The following CDC42BPA variants were observed in gnomAD, a reference collection of about 807,000 sequenced individuals.
The protein encoded by CDC42BPA is serine/threonine-protein kinase MRCK alpha.
A neutral mutation model predicts 223.5 loss-of-function variants in CDC42BPA; 80 were observed. The observed-to-expected ratio is 0.36, with a 90% CI of 0.30 to 0.43. The LOEUF (loss-of-function observed/expected upper bound fraction) is 0.43. Ranked by LOEUF, CDC42BPA falls within the 20% of genes least tolerant of loss-of-function variation. The pLI is 1.00. For synonymous variants in CDC42BPA, 694 were observed against 718.6 expected, an observed-to-expected ratio of 0.97 and a Z score of 0.55; for missense variants, 1,743 against 2,099.9, an observed-to-expected ratio of 0.83 and a Z score of 3.32.
chr1:227,091,020 G>A (rs1263974677), intron 16 of CDC42BPA, among the ~76,000 whole-genome samples: 1 of 152,112 alleles, frequency 6.6e-6, no homozygotes, highest in Non-Finnish European at 1.5e-5. Flanking sequence ...AAATCAGGCT[G>A]AGATGGTTTC....
At chr1:227,054,325 T>G (rs2148893941) in intron 21 of CDC42BPA, among the ~76,000 whole-genome samples, 1 of 152,346 alleles carries the variant, frequency 6.6e-6, no homozygotes, top group South Asian at 2.1e-4. Context: ...GGTTGAAATT[T>G]TACAGCAGGT....
At chr1:227,050,532 G>A (rs1673337717) in intron 22 of CDC42BPA, among the ~76,000 whole-genome samples, 1 of 152,152 alleles carries the variant, frequency 6.6e-6, no homozygotes, top group Admixed American at 6.6e-5. Flanking sequence ...TGATAATAAT[G>A]AAAAATTGGA....
chr1:227,196,338 C>CTTTTTTTTTTTTTTTTGTTTT (rs1553388919), intron 4 of CDC42BPA, among the ~76,000 whole-genome samples: 1 of 92,360 alleles, frequency 1.1e-5, no homozygotes. Flanking sequence ...TTAAACAATA[C>CTTTTTTTTTTTTTTTTGTTTT]TTTTTTTTTT....
In CDC42BPA at chr1:227,129,714, T is replaced by TATATATATATATATATATATATATAC. The variant is rs140091366; in HGVS notation, c.1391-484_1391-483insGTATATATATATATATATATATATAT. Among the ~76,000 whole-genome samples, 784 of 105,564 alleles carry TATATATATATATATATATATATATAC rather than the reference T, an allele frequency of 7.4e-3. 8 individuals carry two copies. The highest frequency in any genetic ancestry group is 9.3e-3 in the Non-Finnish European group (483 of 52,152). 69.3% of individuals were successfully genotyped at this position (105,564 alleles called of 152,430 possible). ...AAAAAATCCACTGCATATATATATA[T>TATATATATATATATATATATATATAC]ACAAAAGAATCCACCTTCTAATAAT... On this transcript the variant is annotated intron_variant, in intron 10 of 36. Transcript: ENST00000366766.
chr1:227,264,812 T>G, intron 1 of CDC42BPA: 1 of 1,407,738 alleles, frequency 7.1e-7, no homozygotes, highest in Non-Finnish European at 1.0e-6. Flanking sequence ...AGAATCTTCT[T>G]GCTTTTTTGG....
At chr1:227,005,947 C>T (rs1358090804) in intron 34 of CDC42BPA, among the ~76,000 whole-genome samples, 1 of 152,210 alleles carries the variant, frequency 6.6e-6, no homozygotes, top group Non-Finnish European at 1.5e-5. Flanking sequence ...GAACAGAAAG[C>T]ATGCTGCCTC....
rs1223621628 is a variant in CDC42BPA at position 227,180,154 on chromosome 1, C to A, written c.599+13632G>T. 5.9e-5 allele frequency among the ~76,000 whole-genome samples: 9 copies of A among 152,216 alleles called. No homozygotes were observed. In the South Asian group the frequency reaches 8.3e-4, roughly 14 times the overall value. ...GCAGGAGGCAGATGTTGCAGTGAAC[C>A]AAGATCATGCCACTGCACTCCAGCC... On this transcript the variant is annotated intron_variant, in intron 5 of 36. Coordinates refer to ENST00000366766, the MANE Select transcript of CDC42BPA (RefSeq NM_001394014.1).
chr1:227,051,598 T>G lies in CDC42BPA; in HGVS notation c.3009+283A>C, dbSNP rs16846887. 2.2e-3 allele frequency among the ~76,000 whole-genome samples: 330 copies of G among 152,312 alleles called. 9 individuals are homozygous for G. The East Asian group carries it at 0.045, about 21-fold the overall frequency. ...GCCATTTGCCTAGAGTTTCTAATAA[T>G]TCAAAAATTTACATAATTAATCTTC... On this transcript the variant is annotated intron_variant, in intron 22 of 36. Transcript: ENST00000366766.
At chr1:227,126,508 G>GT (rs778646921) in intron 11 of CDC42BPA, among the ~76,000 whole-genome samples, 1 of 113,714 alleles carries the variant, frequency 8.8e-6, no homozygotes, top group African/African-American at 3.2e-5. Context: ...AGGAAGGAAG[G>GT]AAGGAAGGAA....
At chr1:227,031,849 C>A (rs1303164656) in intron 27 of CDC42BPA, among the ~76,000 whole-genome samples, 1 of 152,136 alleles carries the variant, frequency 6.6e-6, no homozygotes, top group African/African-American at 2.4e-5. Context: ...CCAGGTAGAT[C>A]TAAGCACTTT....
At chr1:227,005,209 C>A (rs1663758916) in intron 34 of CDC42BPA, 98 bp from the exon 35 acceptor site, 1 of 813,542 alleles carries the variant, frequency 1.2e-6, no homozygotes, top group East Asian at 2.5e-5. Context: ...GAAATAAAAT[C>A]ATCTTGACCA....
At chr1:227,212,269 C>A (rs1674057450) in intron 3 of CDC42BPA, among the ~76,000 whole-genome samples, 1 of 152,118 alleles carries the variant, frequency 6.6e-6, no homozygotes, top group South Asian at 2.1e-4. Context: ...CATGGAAACA[C>A]TTTTTGCTTT....
intron 21 of CDC42BPA, among the ~76,000 whole-genome samples, chr1:227,066,471 C>T (rs547060894): frequency 6.6e-6 from 1 of 152,022 alleles, no homozygotes; most frequent in South Asian, 2.1e-4. Flanking sequence ...GAGCGTTATG[C>T]GAAATATCTT....
chr1:227,056,130 T>C (rs917697458), intron 21 of CDC42BPA, among the ~76,000 whole-genome samples: 3 of 152,100 alleles, frequency 2.0e-5, no homozygotes, highest in African/African-American at 7.2e-5. Flanking sequence ...CAGCATGGTT[T>C]TCCTATAAAT....
At chr1:227,125,225 G>A (rs1013571846) in intron 11 of CDC42BPA, among the ~76,000 whole-genome samples, 4 of 150,424 alleles carry the variant, frequency 2.7e-5, no homozygotes, top group Admixed American at 1.3e-4. Flanking sequence ...CTGGCCCCAT[G>A]TCACCAATGT....
chr1:227,156,656 A>T (rs1662873843), intron 6 of CDC42BPA, among the ~76,000 whole-genome samples: 1 of 152,190 alleles, frequency 6.6e-6, no homozygotes, highest in Non-Finnish European at 1.5e-5. Context: ...GAACAAATAT[A>T]ATTGGAGGAA....
At chr1:227,292,738 C>A (rs1689903401) in intron 1 of CDC42BPA, among the ~76,000 whole-genome samples, 1 of 152,158 alleles carries the variant, frequency 6.6e-6, no homozygotes, top group Non-Finnish European at 1.5e-5. Context: ...ATGTCTTACT[C>A]ACCTACCTTC....
chr1:227,290,601 T>C (rs555403316), intron 1 of CDC42BPA, among the ~76,000 whole-genome samples: 2 of 152,360 alleles, frequency 1.3e-5, no homozygotes, highest in East Asian at 3.9e-4. Context: ...CCAAGATTCA[T>C]ATTGGTTTCC....
At chr1:227,312,708 C>A (rs375834638) in intron 1 of CDC42BPA, among the ~76,000 whole-genome samples, 1 of 152,088 alleles carries the variant, frequency 6.6e-6, no homozygotes, top group South Asian at 2.1e-4. Context: ...TGTGCCGTCA[C>A]CCAAATCTCA....
Sources: allele counts gnomAD v4.1 joint callset (sites outside exome capture counted in the v4.1 genomes callset), GRCh38; gene constraint gnomAD v4.1.1; transcripts MANE v1.5; gene names NCBI Gene and HGNC (gene_info 2026-07-23, HGNC 2026-07-21).